The following AUTS2 variants were observed in gnomAD, a reference collection of about 807,000 sequenced individuals.
AUTS2 encodes autism susceptibility gene 2 protein.
In AUTS2, 17 loss-of-function variants were observed where a neutral mutation model predicts 112.4. That is an observed-to-expected ratio of 0.15 (90% CI 0.10 to 0.23). The LOEUF (loss-of-function observed/expected upper bound fraction) is 0.23, where lower values mean the gene tolerates loss of function less well. Among genes scored for constraint, AUTS2 ranks in the 10% least tolerant of loss-of-function variants. The pLI, the probability that AUTS2 is intolerant of heterozygous loss-of-function variation, is 1.00. For missense variants in AUTS2, 1,510 were observed against 1,701.6 expected (o/e 0.89, Z 1.98); for synonymous variants, 751 against 702.7 (o/e 1.07, Z -1.09).
intron 1 of AUTS2, among the ~76,000 whole-genome samples, chr7:69,600,538 C>CTT (rs370612172): frequency 0.014 from 1,205 of 85,556 alleles, 54 homozygotes; most frequent in African/African-American, 0.019. Flanking sequence ...CCCCCATATT[C>CTT]TTTTTTTTTT....
At chr7:70,525,036 A>G (rs1799785630) in intron 5 of AUTS2, among the ~76,000 whole-genome samples, 1 of 152,134 alleles carries the variant, frequency 6.6e-6, no homozygotes, top group Admixed American at 6.5e-5. Flanking sequence ...TTGTAGAATC[A>G]TAGTATCTTA....
intron 3 of AUTS2, among the ~76,000 whole-genome samples, chr7:70,132,723 A>C (rs1806344153): frequency 6.6e-6 from 1 of 152,148 alleles, no homozygotes; most frequent in African/African-American, 2.4e-5. Context: ...CCGAGACCTG[A>C]AGGATGTAAT....
intron 4 of AUTS2, among the ~76,000 whole-genome samples, chr7:70,271,021 G>T (rs185095465): frequency 6.9e-4 from 105 of 152,054 alleles, no homozygotes; most frequent in African/African-American, 2.4e-3. Flanking sequence ...TCGGTGAGAG[G>T]GCAGGCAGAC....
chr7:70,622,841 G>A (rs1209914922), intron 5 of AUTS2, among the ~76,000 whole-genome samples: 4 of 152,188 alleles, frequency 2.6e-5, no homozygotes, highest in African/African-American at 7.2e-5. Flanking sequence ...ACCATTGGCC[G>A]CTGATACTCT....
At chr7:70,768,243 A>T (rs1434272548) in intron 10 of AUTS2, among the ~76,000 whole-genome samples, 175 bp downstream of exon 10, 1 of 152,218 alleles carries the variant, frequency 6.6e-6, no homozygotes, top group Non-Finnish European at 1.5e-5. Flanking sequence ...GTAAAGATGC[A>T]GTATCATCTT....
chr7:69,897,594 A>T (rs12698812), intron 1 of AUTS2, among the ~76,000 whole-genome samples: 1 of 151,296 alleles, frequency 6.6e-6, no homozygotes, highest in South Asian at 2.1e-4. Context: ...ACAAAAAAAA[A>T]AAAAAACAAA....
intron 4 of AUTS2, among the ~76,000 whole-genome samples, chr7:70,428,079 G>C (rs1795505158): frequency 6.6e-6 from 1 of 152,152 alleles, no homozygotes; most frequent in South Asian, 2.1e-4. Context: ...TATTTGATCA[G>C]GCGTAGTTAC....
At chr7:69,669,138 C>T (rs980266470) in intron 1 of AUTS2, among the ~76,000 whole-genome samples, 1 of 152,092 alleles carries the variant, frequency 6.6e-6, no homozygotes, top group African/African-American at 2.4e-5. Context: ...TTGCTATATA[C>T]GTATGTTTTA....
chr7:70,782,006 T>C, intron 15 of AUTS2: 1 of 522,134 alleles, frequency 1.9e-6, no homozygotes, highest in Non-Finnish European at 3.4e-6. Flanking sequence ...GGTTCATTAT[T>C]TGCTTCTATA....
chr7:70,175,745 G>T (rs1297630417), intron 4 of AUTS2, among the ~76,000 whole-genome samples: 2 of 152,134 alleles, frequency 1.3e-5, no homozygotes, highest in African/African-American at 4.8e-5. Context: ...CATATTTTTA[G>T]CAATAAAGCA....
chr7:70,331,108 G>A (rs1417045860), intron 4 of AUTS2, among the ~76,000 whole-genome samples: 1 of 151,890 alleles, frequency 6.6e-6, no homozygotes, highest in African/African-American at 2.4e-5. Flanking sequence ...GTTTGTAATA[G>A]TTTCAGAAGA....
intron 5 of AUTS2, among the ~76,000 whole-genome samples, chr7:70,679,166 A>G (rs77555613): frequency 6.6e-6 from 1 of 152,228 alleles, no homozygotes; most frequent in Non-Finnish European, 1.5e-5. Context: ...ACCATCTATC[A>G]TTATTTTTTC....
intron 1 of AUTS2, among the ~76,000 whole-genome samples, chr7:69,758,552 G>T (rs1423491232): frequency 6.6e-6 from 1 of 152,140 alleles, no homozygotes; most frequent in Non-Finnish European, 1.5e-5. Context: ...AATATTTTCA[G>T]TGAAAATGTA....
chr7:70,496,284 G>T (rs1451572270), intron 5 of AUTS2, among the ~76,000 whole-genome samples: 3 of 68,252 alleles, frequency 4.4e-5, no homozygotes, highest in African/African-American at 1.3e-4. Context: ...CATCAGCGTC[G>T]ATCACACACC....
chr7:69,634,008 A>G (rs2129106952), intron 1 of AUTS2, among the ~76,000 whole-genome samples: 1 of 152,328 alleles, frequency 6.6e-6, no homozygotes, highest in Middle Eastern at 3.4e-3. Context: ...ATCCAAAAAA[A>G]TCATTGCCAA....
At chr7:69,825,356 C>G in intron 1 of AUTS2, among the ~76,000 whole-genome samples, 1 of 152,082 alleles carries the variant, frequency 6.6e-6, no homozygotes, top group Non-Finnish European at 1.5e-5. Flanking sequence ...GGATGGGGCC[C>G]AGGCATTGAT....
At chr7:70,279,844 G>C (rs1367585754) in intron 4 of AUTS2, among the ~76,000 whole-genome samples, 2 of 152,156 alleles carry the variant, frequency 1.3e-5, no homozygotes, top group Admixed American at 6.5e-5. Flanking sequence ...ATAGCTATCT[G>C]ATGCCCCCTT....
At chr7:69,718,083 G>A (rs10279708) in intron 1 of AUTS2, among the ~76,000 whole-genome samples, 14,707 of 152,014 alleles carry the variant, frequency 0.097, 1,113 homozygotes, top group African/African-American at 0.21. Flanking sequence ...TTATGTTGTT[G>A]GTTTGGATAG....
chr7:70,491,364 G>A (rs1475733161), intron 5 of AUTS2, among the ~76,000 whole-genome samples: 1 of 151,000 alleles, frequency 6.6e-6, no homozygotes, highest in East Asian at 1.9e-4. Context: ...AAATGAGAGT[G>A]CCATCTCATA....
Sources: allele counts gnomAD v4.1 joint callset (sites outside exome capture counted in the v4.1 genomes callset), GRCh38; gene constraint gnomAD v4.1.1; transcripts MANE v1.5; gene names NCBI Gene and HGNC (gene_info 2026-07-23, HGNC 2026-07-21).